Variants in TNR observed in about 807,000 individuals in gnomAD.
TNR encodes the protein tenascin R, also known as tenascin-R.
TNR carries 45 observed loss-of-function variants against 150.4 expected under a neutral mutation model. That is an observed-to-expected ratio of 0.30 (90% CI 0.24 to 0.38). The LOEUF (loss-of-function observed/expected upper bound fraction) is 0.38. Among genes scored for constraint, TNR ranks in the 10% least tolerant of loss-of-function variants. The pLI, the probability that TNR is intolerant of heterozygous loss-of-function variation, is 1.00. For missense variants in TNR, 1,544 were observed against 1,759.1 expected, an observed-to-expected ratio of 0.88 and a Z score of 2.19; for synonymous variants, 687 against 678.4, an observed-to-expected ratio of 1.01 and a Z score of -0.20.
chr1:175,668,135 C>A (rs890446005), intron 1 of TNR, among the ~76,000 whole-genome samples: 6 of 152,156 alleles, frequency 3.9e-5, no homozygotes, highest in Non-Finnish European at 7.4e-5. Flanking sequence ...TTAGTGGGAG[C>A]AGACTCAGAA....
chr1:175,429,898 T>C (rs1047111939), intron 2 of TNR, among the ~76,000 whole-genome samples: 1 of 152,124 alleles, frequency 6.6e-6, no homozygotes, highest in East Asian at 1.9e-4. Context: ...GTGTCTTTAC[T>C]TCTGAGTTTT....
intron 21 of TNR, among the ~76,000 whole-genome samples, chr1:175,329,617 C>G (rs1342121311): frequency 4.6e-5 from 7 of 152,198 alleles, no homozygotes; most frequent in Non-Finnish European, 7.3e-5. Flanking sequence ...ATGATTTGCA[C>G]TAATTCAAAG....
At chr1:175,348,595 T>C (rs1650907621) in intron 18 of TNR, among the ~76,000 whole-genome samples, 1 of 152,088 alleles carries the variant, frequency 6.6e-6, no homozygotes, top group Non-Finnish European at 1.5e-5. Context: ...GAGAGTAGAA[T>C]AGGGAGTTCA....
intron 1 of TNR, among the ~76,000 whole-genome samples, chr1:175,546,062 G>T (rs780262101): frequency 3.9e-5 from 6 of 152,150 alleles, no homozygotes; most frequent in Non-Finnish European, 8.8e-5. Flanking sequence ...CCTCCCCTCA[G>T]CCCCTTTCAG....
intron 2 of TNR, among the ~76,000 whole-genome samples, chr1:175,480,167 T>C (rs1379692091): frequency 1.3e-5 from 2 of 152,046 alleles, no homozygotes; most frequent in Non-Finnish European, 2.9e-5. Flanking sequence ...ATTCTCCAGC[T>C]GCATAGTCAG....
At chr1:175,428,752 C>A (rs1655128047) in intron 2 of TNR, among the ~76,000 whole-genome samples, 1 of 152,098 alleles carries the variant, frequency 6.6e-6, no homozygotes, top group Non-Finnish European at 1.5e-5. Context: ...GCTTTTTTCC[C>A]CCTGTGCTGC....
Position 175,718,315 on chromosome 1 carries a change from A to G in TNR, c.-165+24911T>C, listed in dbSNP as rs981786160. On this transcript the variant is annotated intron_variant, in intron 1 of 22. Transcript: ENST00000367674. ...TTCCCCAGCCTTCACTCTCATTTAA[A>G]TGCTCATTTATGTTTCTGGATGAAT... Among the ~76,000 whole-genome samples the G allele has an allele frequency of 4.6e-5, 7 of 152,262 alleles. 1 individual carries two copies. In the South Asian group the frequency reaches 1.2e-3, roughly 27 times the overall value.
At chr1:175,375,829 G>C (rs890527993) in intron 9 of TNR, among the ~76,000 whole-genome samples, 4 of 152,200 alleles carry the variant, frequency 2.6e-5, no homozygotes, top group Non-Finnish European at 5.9e-5. Context: ...AATGGGTATT[G>C]AGTGCTTACT....
chr1:175,596,250 C>A (rs1192407493), intron 1 of TNR, among the ~76,000 whole-genome samples: 2 of 152,080 alleles, frequency 1.3e-5, no homozygotes, highest in Admixed American at 6.5e-5. Flanking sequence ...GATGAAGAAA[C>A]CCGTGTTTCT....
Position 175,685,274 on chromosome 1 carries a change from C to G in TNR, c.-165+57952G>C, listed in dbSNP as rs144183596. Among the ~76,000 whole-genome samples the G allele has an allele frequency of 4.2e-3, 636 of 152,296 alleles. 2 individuals are homozygous for G. Among genetic ancestry groups the G allele is most frequent in the African/African-American group, 0.014 (602 of 41,562 alleles). ...TCAAGGAAAAGACTTGAAACTTCAC[C>G]AATCATCTCCTTATGAATAAATCAC... On this transcript the variant is annotated intron_variant, in intron 1 of 22. Transcript: ENST00000367674.
In TNR at chr1:175,599,551, G is replaced by T. The variant is rs1040400378; in HGVS notation, c.-164-71182C>A. 1.3e-5 allele frequency among the ~76,000 whole-genome samples: 2 copies of T among 152,358 alleles called. No individual in the cohort carries two copies. The highest frequency in any genetic ancestry group is 3.9e-4 in the East Asian group (2 of 5,170). ...GGGCGGCGCGGTTAATGGGGTCTCT[G>T]CTGGGCTAGTGTCCCGCATCAGCGG... On this transcript the variant is annotated intron_variant, in intron 1 of 22. Transcript: ENST00000367674. This position sits in a 1 kb window ranked among gnomAD's most constrained non-coding sequence, Gnocchi z 4.7.
chr1:175,691,083 A>T (rs1298344367), intron 1 of TNR, among the ~76,000 whole-genome samples: 1 of 151,432 alleles, frequency 6.6e-6, no homozygotes, highest in East Asian at 2.0e-4. Flanking sequence ...TGAGATGTTA[A>T]TTAAACATCT....
intron 1 of TNR, among the ~76,000 whole-genome samples, chr1:175,709,571 G>T (rs905924715): frequency 6.6e-6 from 1 of 152,154 alleles, no homozygotes; most frequent in Admixed American, 6.6e-5. Context: ...AAACAGAAAA[G>T]TTTGGATCTT....
rs1648877376 is a variant in TNR, at chr1:175,317,483, T to A, written c.*5874A>T. On this transcript the variant is annotated 3_prime_UTR_variant, in exon 23 of 23. Coordinates refer to ENST00000367674, the MANE Select transcript of TNR (RefSeq NM_003285.3). ...ATTAAAGAGCAACACAGGGTCTCCC[T>A]AGGGGCTGCTAAACCAGTGATGGGA... 1 of 152,246 alleles carries A rather than the reference T, an allele frequency of 6.6e-6. No individual in the cohort carries two copies. The highest frequency in any genetic ancestry group is 1.5e-5 in the Non-Finnish European group (1 of 68,034). 9.4% of individuals were successfully genotyped at this position (152,246 alleles called of 1,614,324 possible).
chr1:175,345,270 G>A (rs1272252750), intron 18 of TNR, among the ~76,000 whole-genome samples: 2 of 152,134 alleles, frequency 1.3e-5, no homozygotes, highest in African/African-American at 2.4e-5. Flanking sequence ...TCACATGTCT[G>A]TGGCCTTTTT....
intron 2 of TNR, among the ~76,000 whole-genome samples, chr1:175,448,336 C>T (rs1055694863): frequency 3.9e-5 from 6 of 152,086 alleles, no homozygotes; most frequent in Non-Finnish European, 8.8e-5. Context: ...TCCTGTCTCC[C>T]GAGTAGCTGG....
intron 8 of TNR, among the ~76,000 whole-genome samples, chr1:175,382,062 C>T (rs543280204): frequency 6.6e-6 from 1 of 152,264 alleles, no homozygotes; most frequent in Admixed American, 6.5e-5. Flanking sequence ...CCTTTTCAAA[C>T]CGCTTGATCC....
At chr1:175,671,323 C>T (rs1257077166) in intron 1 of TNR, among the ~76,000 whole-genome samples, 1 of 152,232 alleles carries the variant, frequency 6.6e-6, no homozygotes, top group Non-Finnish European at 1.5e-5. Context: ...CATAGCCTCA[C>T]CCAGCAGCTG....
At chr1:175,403,883 T>C (rs1181980682) in intron 3 of TNR, among the ~76,000 whole-genome samples, 1 of 152,218 alleles carries the variant, frequency 6.6e-6, no homozygotes, top group Non-Finnish European at 1.5e-5. Context: ...TGTCTTAGGA[T>C]GGATTCCTTA....
Sources: allele counts gnomAD v4.1 joint callset (sites outside exome capture counted in the v4.1 genomes callset), GRCh38; gene constraint gnomAD v4.1.1; non-coding constraint Gnocchi (gnomAD v3.1); transcripts MANE v1.5; gene names NCBI Gene and HGNC (gene_info 2026-07-23, HGNC 2026-07-21).